Variants in CATSPERE observed in about 807,000 individuals in gnomAD.
CATSPERE encodes catsper channel auxiliary subunit epsilon, also known as cation channel sperm-associated auxiliary subunit epsilon.
In CATSPERE, 93 loss-of-function variants were observed where a neutral mutation model predicts 114.1. That is an observed-to-expected ratio of 0.81 (90% CI 0.69 to 0.97). The LOEUF is 0.97. Ranked by LOEUF, CATSPERE falls within the 50% of genes least tolerant of loss-of-function variation. The pLI, the probability that CATSPERE is intolerant of heterozygous loss-of-function variation, is 0.00. For missense variants in CATSPERE, 1,058 were observed against 1,131.6 expected, an observed-to-expected ratio of 0.93 and a Z score of 0.93; for synonymous variants, 341 against 384.1, an observed-to-expected ratio of 0.89 and a Z score of 1.31.
At chr1:244,546,971 A>T (rs3003233) in intron 8 of CATSPERE, among the ~76,000 whole-genome samples, 5 of 152,082 alleles carry the variant, frequency 3.3e-5, no homozygotes, top group African/African-American at 4.8e-5. Context: ...ATCCAGGTAC[A>T]TAAAGATTAA....
At chr1:244,549,859 G>A (rs1338209458) in intron 8 of CATSPERE, among the ~76,000 whole-genome samples, 1 of 152,156 alleles carries the variant, frequency 6.6e-6, no homozygotes, top group East Asian at 1.9e-4. Flanking sequence ...GAAGAGATTA[G>A]CATTTGAATT....
intron 5 of CATSPERE, among the ~76,000 whole-genome samples, chr1:244,482,301 A>G (rs1015120621): frequency 6.6e-6 from 1 of 152,010 alleles, no homozygotes; most frequent in Non-Finnish European, 1.5e-5. Flanking sequence ...ACTTGTCTCT[A>G]CAAAAAATAT....
chr1:244,583,409 A>G (rs1348453290), intron 12 of CATSPERE, among the ~76,000 whole-genome samples: 1 of 152,154 alleles, frequency 6.6e-6, no homozygotes, highest in African/African-American at 2.4e-5. Context: ...GTGGCTCAGA[A>G]AACTAATTTT....
At chr1:244,595,805 C>T (rs1355708387) in intron 17 of CATSPERE, among the ~76,000 whole-genome samples, 2 of 152,138 alleles carry the variant, frequency 1.3e-5, no homozygotes, top group Non-Finnish European at 2.9e-5. Context: ...TGGTGGCGGG[C>T]ACCTGTAGTC....
rs1368756083 is a variant in CATSPERE at position 244,568,981 on chromosome 1, C to T, written c.1508-3349C>T. On this transcript the variant is annotated intron_variant, in intron 10 of 21. Coordinates refer to ENST00000366534, the MANE Select transcript of CATSPERE (RefSeq NM_001130957.2). This position sits in a 1 kb window ranked among gnomAD's most constrained non-coding sequence, Gnocchi z 4.4. ...GCTGCCTAGTTTTGTGCTTGAAACCCAGCGCCCTGGTGGTGTAGTAACCTG... is the reference window on the plus strand; with the variant it reads ...GCTGCCTAGTTTTGTGCTTGAAACCTAGCGCCCTGGTGGTGTAGTAACCTG... Among the ~76,000 whole-genome samples, 1 of 152,216 alleles carries T rather than the reference C, an allele frequency of 6.6e-6. No homozygotes were observed. The highest frequency in any genetic ancestry group is 1.9e-4 in the East Asian group (1 of 5,194).
In CATSPERE at chr1:244,463,924, C is replaced by A; in HGVS notation, c.82C>A (p.Pro28Thr). Residue 28 changes from proline to threonine, a missense_variant, in exon 2 of 22, where the codon CCA becomes ACA. By Grantham distance (38) the Pro-to-Thr change is conservative. Coordinates refer to ENST00000366534, the MANE Select transcript of CATSPERE (RefSeq NM_001130957.2). ...SALWRYSTNS[P>T]NYRIFSTRST... ...CCTCCACAGGTATTCCACTAACAGCCCAAACTATCGCATTTTTAGTACCAG... is the reference window on the plus strand; with the variant it reads ...CCTCCACAGGTATTCCACTAACAGCACAAACTATCGCATTTTTAGTACCAG... 1 of 1,601,352 alleles carries A rather than the reference C, an allele frequency of 6.2e-7. No homozygotes were observed. Among genetic ancestry groups the A allele is most frequent in the Non-Finnish European group, 8.6e-7 (1 of 1,168,650 alleles).
intron 2 of CATSPERE, among the ~76,000 whole-genome samples, chr1:244,465,716 T>A (rs1667494366): frequency 6.6e-6 from 1 of 152,266 alleles, no homozygotes; most frequent in Non-Finnish European, 1.5e-5. Flanking sequence ...TTTGCGTTTT[T>A]ATATAAATTT....
At chr1:244,595,377 A>T (rs1668253325) in intron 17 of CATSPERE, among the ~76,000 whole-genome samples, 2 of 152,142 alleles carry the variant, frequency 1.3e-5, no homozygotes, top group South Asian at 4.1e-4. Context: ...TAAGTCACTG[A>T]GTCTTATGGA....
chr1:244,566,342 G>A (rs558613878), intron 10 of CATSPERE, among the ~76,000 whole-genome samples: 25 of 152,170 alleles, frequency 1.6e-4, no homozygotes, highest in African/African-American at 4.3e-4. Context: ...TATTAGGTCC[G>A]CTTGGTCCAG....
rs528148892 is a variant in CATSPERE, at chr1:244,517,637, A to G, written c.430-955A>G. Among the ~76,000 whole-genome samples, 151 of 151,848 alleles carry G rather than the reference A, an allele frequency of 9.9e-4. 2 individuals are homozygous for G. The highest frequency in any genetic ancestry group is 3.6e-3 in the African/African-American group (147 of 41,274). ...ATATAAAAAAAATTAGTGGGGCATG[A>G]TGGTGCATGCCTATAATCTCAGCTA... On this transcript the variant is annotated intron_variant, in intron 7 of 21. Transcript: ENST00000366534.
intron 15 of CATSPERE, among the ~76,000 whole-genome samples, chr1:244,592,909 G>T (rs1667910927): frequency 6.6e-6 from 1 of 152,208 alleles, no homozygotes; most frequent in Non-Finnish European, 1.5e-5. Context: ...GGGAATGTGG[G>T]GGAGGTGATT....
At chr1:244,496,048 T>TAACAAA (rs1218210785) in intron 6 of CATSPERE, among the ~76,000 whole-genome samples, 1 of 152,028 alleles carries the variant, frequency 6.6e-6, no homozygotes. Flanking sequence ...GTGAAATCAG[T>TAACAAA]AACAAAAACA....
At chr1:244,529,021 A>C (rs1418770262) in intron 8 of CATSPERE, among the ~76,000 whole-genome samples, 1 of 152,098 alleles carries the variant, frequency 6.6e-6, no homozygotes, top group Non-Finnish European at 1.5e-5. Flanking sequence ...ATTCTTTTTT[A>C]TGGCTAAATA....
chr1:244,479,682 T>G (rs767624421), intron 4 of CATSPERE, 35 bp from the exon 5 acceptor site: 3 of 1,346,882 alleles, frequency 2.2e-6, no homozygotes, highest in Non-Finnish European at 3.2e-6. Flanking sequence ...GATTTAATGT[T>G]AATATATCAC....
chr1:244,631,760 A>G (rs1160624135), intron 20 of CATSPERE, among the ~76,000 whole-genome samples: 3 of 152,220 alleles, frequency 2.0e-5, no homozygotes, highest in Non-Finnish European at 4.4e-5. Flanking sequence ...ACCACTACAC[A>G]CTTACTAGAG....
At chr1:244,452,335 G>A (rs1665674806), upstream of CATSPERE, among the ~76,000 whole-genome samples, 1 of 152,266 alleles carries the variant, frequency 6.6e-6, no homozygotes, top group Non-Finnish European at 1.5e-5. Context: ...CCATCTGCAG[G>A]TTTGTCTGGA....
At chr1:244,605,397 A>G (rs944125683) in intron 17 of CATSPERE, among the ~76,000 whole-genome samples, 6 of 152,234 alleles carry the variant, frequency 3.9e-5, no homozygotes, top group African/African-American at 1.4e-4. Context: ...CAAATGTCCA[A>G]AAAGTAAAAC....
chr1:244,613,514 A>G (rs1266257530), intron 19 of CATSPERE, among the ~76,000 whole-genome samples: 1 of 152,208 alleles, frequency 6.6e-6, no homozygotes, highest in East Asian at 1.9e-4. Context: ...AAATGTAATT[A>G]TAGGATAATT....
Position 244,551,274 on chromosome 1 carries a change from G to A in CATSPERE, c.537-1048G>A, listed in dbSNP as rs183477572. On this transcript the variant is annotated intron_variant, in intron 8 of 21. Coordinates refer to ENST00000366534, the MANE Select transcript of CATSPERE (RefSeq NM_001130957.2). ...GATCAAAGCATGAGATCCTGTAAAT[G>A]GCGGCTAAGAGAGACAGTAATGAAG... Among the ~76,000 whole-genome samples, 3 of 152,304 alleles carry A rather than the reference G, an allele frequency of 2.0e-5. No individual in the cohort carries two copies. In the East Asian group the frequency reaches 5.8e-4, roughly 29 times the overall value.
Sources: gnomAD v4.1 joint callset for allele counts (sites outside exome capture counted in the v4.1 genomes callset) on GRCh38, gnomAD v4.1.1 for gene constraint, Gnocchi (gnomAD v3.1) non-coding constraint, MANE v1.5 for transcripts, NCBI Gene and HGNC (gene_info 2026-07-23, HGNC 2026-07-21) for gene names.